KCNMA1: variants seen among roughly 807,000 people sequenced by gnomAD.
KCNMA1 encodes the protein potassium calcium-activated channel subfamily M alpha 1, also known as Calcium-activated potassium channel subunit alpha-1.
KCNMA1 carries 29 observed loss-of-function variants against 140.0 expected under a neutral mutation model. The ratio of observed to expected loss-of-function variants is 0.21; its 90% CI spans 0.15 to 0.28. KCNMA1 has a LOEUF of 0.28. Ranked by LOEUF, KCNMA1 falls within the 10% of genes least tolerant of loss-of-function variation. The pLI is 1.00. For missense variants in KCNMA1, 880 were observed against 1,602.2 expected (o/e 0.55, Z 7.70); for synonymous variants, 612 against 611.9 (o/e 1.00, Z 0.00).
chr10:77,466,062 T>C (rs1329115151), intron 1 of KCNMA1, among the ~76,000 whole-genome samples: 1 of 152,090 alleles, frequency 6.6e-6, no homozygotes, highest in Non-Finnish European at 1.5e-5. Flanking sequence ...GGCGGGAGCA[T>C]CAGGAACTAA....
intron 19 of KCNMA1, among the ~76,000 whole-genome samples, chr10:76,975,101 C>T (rs953657596): frequency 4.6e-5 from 7 of 152,224 alleles, no homozygotes; most frequent in Admixed American, 3.9e-4. Context: ...CACGGCATTT[C>T]CTTCGGCCGT....
At chr10:77,447,008 G>A (rs968616892) in intron 1 of KCNMA1, among the ~76,000 whole-genome samples, 5 of 152,214 alleles carry the variant, frequency 3.3e-5, no homozygotes, top group African/African-American at 1.2e-4. Flanking sequence ...CCATGGAGAT[G>A]TGCTGCCCCC....
intron 14 of KCNMA1, among the ~76,000 whole-genome samples, chr10:77,064,728 C>T (rs992139211): frequency 1.3e-5 from 2 of 152,140 alleles, no homozygotes; most frequent in Admixed American, 6.5e-5. Flanking sequence ...CTAATGGGAT[C>T]TAAGTAGGGT....
At chr10:77,170,297 T>C (rs1021635628) in intron 5 of KCNMA1, among the ~76,000 whole-genome samples, 1 of 152,244 alleles carries the variant, frequency 6.6e-6, no homozygotes, top group African/African-American at 2.4e-5. Context: ...GGCCTGGGCA[T>C]CTCAGTGTCT....
intron 1 of KCNMA1, among the ~76,000 whole-genome samples, chr10:77,538,091 ACATT>A (rs1157654978): frequency 6.6e-6 from 1 of 151,602 alleles, no homozygotes; most frequent in East Asian, 1.9e-4. Flanking sequence ...ACATACTCTC[ACATT>A]CACATACTCT....
In KCNMA1 at chr10:77,637,449, T is replaced by C; in HGVS notation, c.194A>G (p.Lys65Arg). 1 of 1,613,118 alleles carries C rather than the reference T, an allele frequency of 6.2e-7. No homozygotes were observed. Among genetic ancestry groups the C allele is most frequent in the Non-Finnish European group, 8.5e-7 (1 of 1,179,638 alleles). Residue 65 changes from lysine to arginine, a missense_variant, in exon 1 of 28, where the codon AAG becomes AGG. Coordinates refer to ENST00000286628, the MANE Select transcript of KCNMA1 (RefSeq NM_001161352.2). Reference protein sequence around the residue: ...SSSSSSVHEPKMDALIIPVTM... With the variant: ...SSSSSSVHEPRMDALIIPVTM... ...CACCGGGATGATGAGCGCATCCATC[T>C]TGGGCTCGTGGACCGAGGACGAGGA...
intron 2 of KCNMA1, among the ~76,000 whole-genome samples, chr10:77,325,149 C>T (rs1009920408): frequency 4.6e-5 from 7 of 152,096 alleles, no homozygotes; most frequent in Non-Finnish European, 7.4e-5. Flanking sequence ...AAACAGAAGG[C>T]GACTCAGGAT....
rs1044350948 is a variant in KCNMA1 at position 76,987,502 on chromosome 10, T to C, written c.2266+13905A>G. 3.9e-5 allele frequency among the ~76,000 whole-genome samples: 6 copies of C among 152,210 alleles called. No individual in the cohort carries two copies. In the East Asian group the frequency reaches 9.6e-4, roughly 24 times the overall value. ...TTGTTACAATTACTCAGCTTTGCAGTTGTAGCCTGAAAGCAGCCATGGACA... is the reference window on the plus strand; with the variant it reads ...TTGTTACAATTACTCAGCTTTGCAGCTGTAGCCTGAAAGCAGCCATGGACA... On this transcript the variant is annotated intron_variant, in intron 19 of 27. Transcript: ENST00000286628.
intron 1 of KCNMA1, among the ~76,000 whole-genome samples, chr10:77,465,079 C>T (rs921076709): frequency 3.9e-5 from 6 of 152,198 alleles, no homozygotes; most frequent in East Asian, 3.8e-4. Context: ...CACACACACT[C>T]GGTAACTCAA....
chr10:77,516,288 G>A (rs569104733), intron 1 of KCNMA1, among the ~76,000 whole-genome samples: 5 of 150,712 alleles, frequency 3.3e-5, no homozygotes, highest in African/African-American at 1.2e-4. Flanking sequence ...GCCCTTTCCT[G>A]AAATCTGCTC....
chr10:77,232,547 T>C (rs984015360), intron 3 of KCNMA1, among the ~76,000 whole-genome samples: 3 of 152,258 alleles, frequency 2.0e-5, no homozygotes, highest in Admixed American at 2.0e-4. Context: ...TCTTGACTAT[T>C]TGTATATCTT....
intron 15 of KCNMA1, among the ~76,000 whole-genome samples, chr10:77,034,011 G>A (rs959445113): frequency 6.6e-6 from 1 of 152,168 alleles, no homozygotes; most frequent in South Asian, 2.1e-4. Context: ...GGAGGCCAAG[G>A]TGGGTGGATC....
intron 14 of KCNMA1, among the ~76,000 whole-genome samples, chr10:77,056,990 T>C (rs971109323): frequency 3.9e-5 from 6 of 152,094 alleles, no homozygotes; most frequent in South Asian, 4.1e-4. Context: ...AGAAATAATA[T>C]GGTGCAGGAA....
chr10:76,961,290 G>A (rs2071314800), intron 20 of KCNMA1, among the ~76,000 whole-genome samples: 1 of 151,960 alleles, frequency 6.6e-6, no homozygotes, highest in Non-Finnish European at 1.5e-5. Flanking sequence ...AGCAGATGTG[G>A]TGGAAAAAGT....
At chr10:77,323,749 T>C (rs2083046397) in intron 2 of KCNMA1, among the ~76,000 whole-genome samples, 1 of 152,234 alleles carries the variant, frequency 6.6e-6, no homozygotes, top group Non-Finnish European at 1.5e-5. Context: ...CCTGTATCAC[T>C]ATAAACCCTA....
At chr10:77,153,934 G>C (rs989082492) in intron 5 of KCNMA1, among the ~76,000 whole-genome samples, 1 of 152,144 alleles carries the variant, frequency 6.6e-6, no homozygotes, top group Non-Finnish European at 1.5e-5. Context: ...TTTGTAAAAT[G>C]AGAAAATGTC....
intron 1 of KCNMA1, among the ~76,000 whole-genome samples, chr10:77,445,407 A>T (rs1355951162): frequency 2.0e-5 from 3 of 151,610 alleles, no homozygotes; most frequent in African/African-American, 7.3e-5. Context: ...TATGAAAAAT[A>T]AAAAAAATCT....
chr10:76,981,018 A>G (rs1265174821), intron 19 of KCNMA1, among the ~76,000 whole-genome samples: 3 of 152,186 alleles, frequency 2.0e-5, no homozygotes, highest in African/African-American at 7.2e-5. Context: ...AAGCACTTAA[A>G]AGAATTCCTG....
chr10:77,073,060 T>A (rs768489103), intron 14 of KCNMA1, 37 bp downstream of exon 14: 1 of 1,603,110 alleles, frequency 6.2e-7, no homozygotes, highest in Non-Finnish European at 8.5e-7. Context: ...ACAAATGGAA[T>A]CCCGAGCTAA....
Sources: gnomAD v4.1 joint callset for allele counts (sites outside exome capture counted in the v4.1 genomes callset) on GRCh38, gnomAD v4.1.1 for gene constraint, MANE v1.5 for transcripts, NCBI Gene and HGNC (gene_info 2026-07-23, HGNC 2026-07-21) for gene names.